The following ST6GALNAC3 variants were observed in gnomAD, a reference collection of about 807,000 sequenced individuals.
ST6GALNAC3 encodes the protein ST6 N-acetylgalactosaminide alpha-2,6-sialyltransferase 3.
ST6GALNAC3 carries 25 observed loss-of-function variants against 32.7 expected under a neutral mutation model. The observed-to-expected ratio is 0.76, with a 90% CI of 0.56 to 1.07. ST6GALNAC3 has a LOEUF of 1.07. Ranked by LOEUF, ST6GALNAC3 falls within the 50% of genes least tolerant of loss-of-function variation. ST6GALNAC3 has a pLI of 0.00. For synonymous variants in ST6GALNAC3, 129 were observed against 133.1 expected (o/e 0.97, Z 0.21); for missense variants, 355 against 382.4 (o/e 0.93, Z 0.60).
chr1:76,497,048 A>G (rs1359834512), intron 3 of ST6GALNAC3, among the ~76,000 whole-genome samples: 2 of 152,174 alleles, frequency 1.3e-5, no homozygotes, highest in Admixed American at 1.3e-4. Context: ...AACAGTTACA[A>G]TTTGGATCCT....
At chr1:76,348,290 A>G (rs2101013790) in intron 2 of ST6GALNAC3, among the ~76,000 whole-genome samples, 1 of 152,304 alleles carries the variant, frequency 6.6e-6, no homozygotes, top group African/African-American at 2.4e-5. Context: ...TGTCTAATTT[A>G]GTGTCAGAGA....
chr1:76,105,424 A>G (rs905415147), intron 1 of ST6GALNAC3, among the ~76,000 whole-genome samples: 3 of 152,184 alleles, frequency 2.0e-5, no homozygotes, highest in African/African-American at 7.2e-5. Context: ...TCACTGAAGA[A>G]CCACAGACTG....
At chr1:76,163,113 T>C (rs1439056172) in intron 1 of ST6GALNAC3, among the ~76,000 whole-genome samples, 1 of 152,234 alleles carries the variant, frequency 6.6e-6, no homozygotes, top group East Asian at 1.9e-4. Flanking sequence ...TTTTCTCTTT[T>C]TAATGAAGCT....
At chr1:76,590,091 C>T (rs56012468) in intron 3 of ST6GALNAC3, among the ~76,000 whole-genome samples, 25,863 of 152,042 alleles carry the variant, frequency 0.17, 3,078 homozygotes, top group African/African-American at 0.34. Flanking sequence ...GTGCTCAGTA[C>T]AGCCAAGTTG....
At chr1:76,182,357 T>C (rs1362349130) in intron 1 of ST6GALNAC3, among the ~76,000 whole-genome samples, 2 of 152,216 alleles carry the variant, frequency 1.3e-5, no homozygotes, top group African/African-American at 4.8e-5. Flanking sequence ...GACAATAGTC[T>C]TTTCTGTAGC....
At chr1:76,140,421 G>A (rs1389232769) in intron 1 of ST6GALNAC3, among the ~76,000 whole-genome samples, 1 of 152,144 alleles carries the variant, frequency 6.6e-6, no homozygotes, top group East Asian at 1.9e-4. Context: ...GGGTTAGGTT[G>A]GTCCTTGCTG....
chr1:76,597,307 C>T (rs190992534), intron 3 of ST6GALNAC3, among the ~76,000 whole-genome samples: 4 of 152,128 alleles, frequency 2.6e-5, no homozygotes, highest in East Asian at 1.9e-4. Context: ...AAGTATATGT[C>T]GCTTGCTGGG....
intron 2 of ST6GALNAC3, among the ~76,000 whole-genome samples, chr1:76,363,274 C>T (rs911979926): frequency 3.9e-5 from 6 of 152,202 alleles, no homozygotes; most frequent in African/African-American, 1.4e-4. Flanking sequence ...TAAATCATCA[C>T]TCTCATGTTC....
chr1:76,389,698 A>T (rs75564617), intron 2 of ST6GALNAC3, among the ~76,000 whole-genome samples: 4,549 of 152,332 alleles, frequency 0.03, 97 homozygotes, highest in Non-Finnish European at 0.052. Context: ...CATCCTCTTT[A>T]AAAAAGTTCT....
intron 3 of ST6GALNAC3, among the ~76,000 whole-genome samples, chr1:76,476,313 C>CCCTTTTAATGTGTAAAAACTT (rs1659351919): frequency 1.3e-5 from 2 of 152,148 alleles, no homozygotes; most frequent in African/African-American, 4.8e-5. Flanking sequence ...TTATTTCTTA[C>CCCTTTTAATGTGTAAAAACTT]AACCCTTTTA....
chr1:76,239,645 C>T (rs968324840), intron 1 of ST6GALNAC3, among the ~76,000 whole-genome samples: 2 of 152,164 alleles, frequency 1.3e-5, no homozygotes, highest in African/African-American at 4.8e-5. Flanking sequence ...AGGGAGGCAC[C>T]AAGCCATTCA....
intron 3 of ST6GALNAC3, among the ~76,000 whole-genome samples, chr1:76,616,169 T>C (rs543618391): frequency 1.4e-4 from 21 of 152,276 alleles, no homozygotes; most frequent in African/African-American, 4.8e-4. Context: ...GTAGCAACAC[T>C]ATGGAAAAGA....
chr1:76,158,251 C>A (rs1048632847), intron 1 of ST6GALNAC3, among the ~76,000 whole-genome samples: 6 of 151,660 alleles, frequency 4.0e-5, no homozygotes, highest in African/African-American at 1.5e-4. Flanking sequence ...CTTTTTTTTT[C>A]TGTCTTTCCT....
At chr1:76,290,050 T>C (rs1319043236) in intron 1 of ST6GALNAC3, among the ~76,000 whole-genome samples, 2 of 152,248 alleles carry the variant, frequency 1.3e-5, no homozygotes, top group African/African-American at 4.8e-5. Context: ...ACAAGCACTC[T>C]TTCTCTTTTG....
chr1:76,403,192 G>C (rs972423176), intron 2 of ST6GALNAC3, among the ~76,000 whole-genome samples: 6 of 152,082 alleles, frequency 3.9e-5, no homozygotes, highest in Non-Finnish European at 8.8e-5. Context: ...ATTCTAGCCA[G>C]AGAATTGATA....
intron 3 of ST6GALNAC3, among the ~76,000 whole-genome samples, chr1:76,448,561 T>C (rs1440585021): frequency 6.6e-6 from 1 of 152,100 alleles, no homozygotes; most frequent in East Asian, 1.9e-4. Flanking sequence ...TTACCACATG[T>C]TGTGGGAGGG....
At chr1:76,481,910 A>G (rs1028288755) in intron 3 of ST6GALNAC3, among the ~76,000 whole-genome samples, 3 of 152,166 alleles carry the variant, frequency 2.0e-5, no homozygotes, top group East Asian at 1.9e-4. Flanking sequence ...AGTCTCGACA[A>G]CTAATCACTT....
chr1:76,156,458 A>G (rs1397056372), intron 1 of ST6GALNAC3, among the ~76,000 whole-genome samples: 2 of 151,960 alleles, frequency 1.3e-5, no homozygotes, highest in Admixed American at 6.6e-5. Flanking sequence ...TACGTATTCA[A>G]TTGTTTATTT....
chr1:76,170,293 A>C (rs1652402763), intron 1 of ST6GALNAC3, among the ~76,000 whole-genome samples: 1 of 152,158 alleles, frequency 6.6e-6, no homozygotes, highest in African/African-American at 2.4e-5. Context: ...TGTTCACCAC[A>C]GTGGCAGAAA....
Sources: gnomAD v4.1 joint callset for allele counts (sites outside exome capture counted in the v4.1 genomes callset) on GRCh38, gnomAD v4.1.1 for gene constraint, MANE v1.5 for transcripts, NCBI Gene and HGNC (gene_info 2026-07-23, HGNC 2026-07-21) for gene names.